Variants in SLC39A8 observed in about 807,000 individuals in gnomAD.
The protein encoded by SLC39A8 is metal cation symporter ZIP8.
Under a neutral mutation model 40.4 loss-of-function variants are expected in SLC39A8, and 15 were observed. That is an observed-to-expected ratio of 0.37 (90% CI 0.25 to 0.57). SLC39A8 has a LOEUF of 0.57. Ranked by LOEUF, SLC39A8 falls within the 20% of genes least tolerant of loss-of-function variation. The pLI, the probability that SLC39A8 is intolerant of heterozygous loss-of-function variation, is 0.75. For synonymous variants in SLC39A8, 223 were observed against 221.6 expected, an observed-to-expected ratio of 1.01 and a Z score of -0.06; for missense variants, 472 against 558.8, an observed-to-expected ratio of 0.84 and a Z score of 1.57.
rs1357363862 is a variant in SLC39A8, at chr4:102,274,825, AC to A, written c.841-6747del. On this transcript the variant is annotated intron_variant, in intron 6 of 8. Transcript: ENST00000356736. ...ACATTCTTAAATAAAAGAATTTTCA[AC>A]CCAGAATTTCATATTCAGCCAAACT... is the stretch of plus-strand genomic sequence containing the variant. 4.6e-5 allele frequency among the ~76,000 whole-genome samples: 7 copies of A among 152,334 alleles called. No homozygotes were observed. The East Asian group carries it at 1.2e-3, about 25-fold the overall frequency.
intron 6 of SLC39A8, among the ~76,000 whole-genome samples, chr4:102,278,619 C>A (rs554024068): frequency 1.3e-5 from 2 of 152,042 alleles, no homozygotes; most frequent in East Asian, 1.9e-4. Flanking sequence ...TGCCATTTGA[C>A]CCAGCAATCC....
downstream of SLC39A8, among the ~76,000 whole-genome samples, chr4:102,260,564 G>C (rs972911436): frequency 6.6e-6 from 1 of 152,204 alleles, no homozygotes; most frequent in African/African-American, 2.4e-5. Flanking sequence ...GAAGGTGGGA[G>C]TCACAAGTTA....
rs1283485363 is a variant in SLC39A8, at chr4:102,320,297, AAT to A, written c.220-4469_220-4468del. Among the ~76,000 whole-genome samples, 77 of 116,876 alleles carry A rather than the reference AAT, an allele frequency of 6.6e-4. 1 individual carries two copies. The highest frequency in any genetic ancestry group is 5.7e-3 in the Middle Eastern group (1 of 176). 76.7% of individuals were successfully genotyped at this position (116,876 alleles called of 152,430 possible). On this transcript the variant is annotated intron_variant, in intron 2 of 8. Coordinates refer to ENST00000356736, the MANE Select transcript of SLC39A8 (RefSeq NM_001135146.2). ...TATTATATATGAGTATATATATGAG[AAT>A]ATATATATGAGTATATATATATGAG... is the stretch of plus-strand genomic sequence containing the variant.
intron 6 of SLC39A8, among the ~76,000 whole-genome samples, chr4:102,295,984 G>A (rs756281829): frequency 6.6e-5 from 10 of 152,088 alleles, no homozygotes; most frequent in Non-Finnish European, 1.3e-4. Context: ...AGAATCGGTG[G>A]TGCAAAGCCT....
intron 6 of SLC39A8, among the ~76,000 whole-genome samples, chr4:102,268,433 T>C (rs572749356): frequency 6.4e-4 from 97 of 152,356 alleles, no homozygotes; most frequent in Non-Finnish European, 1.3e-3. Flanking sequence ...AAGGAAGTTA[T>C]TCAAAGACTA....
At chr4:102,283,944 C>T (rs1733030261) in intron 6 of SLC39A8, among the ~76,000 whole-genome samples, 1 of 152,154 alleles carries the variant, frequency 6.6e-6, no homozygotes, top group Non-Finnish European at 1.5e-5. Flanking sequence ...TAATATTATT[C>T]TCTCGGATAT....
chr4:102,313,886 C>G (rs926588818), intron 3 of SLC39A8, among the ~76,000 whole-genome samples: 9 of 152,014 alleles, frequency 5.9e-5, no homozygotes, highest in African/African-American at 2.2e-4. Context: ...CCGTGCCTAG[C>G]CCCAGTGTCT....
At chr4:102,257,494 C>A (rs563752593), downstream of SLC39A8, among the ~76,000 whole-genome samples, 1 of 152,272 alleles carries the variant, frequency 6.6e-6, no homozygotes, top group South Asian at 2.1e-4. Flanking sequence ...AAACAGGCAG[C>A]CCAAGGATAC....
chr4:102,343,519 G>A (rs1736029077), intron 2 of SLC39A8, among the ~76,000 whole-genome samples: 1 of 152,152 alleles, frequency 6.6e-6, no homozygotes, highest in East Asian at 1.9e-4. Context: ...GCTGTCAGTG[G>A]GACAGGAGTA....
At chr4:102,261,618 G>T (rs924184732), downstream of SLC39A8, 3 of 776,180 alleles carry the variant, frequency 3.9e-6, no homozygotes, top group African/African-American at 1.9e-5. Context: ...CCAGATACAT[G>T]GTAGTCACTC....
chr4:102,326,013 G>A (rs1196872569), intron 2 of SLC39A8, among the ~76,000 whole-genome samples: 1 of 152,208 alleles, frequency 6.6e-6, no homozygotes, highest in Non-Finnish European at 1.5e-5. Context: ...TCCTAAAAGT[G>A]TGGTGTGGTG....
At position 102,344,611 on chromosome 4, in the gene SLC39A8, G is replaced by A; in HGVS notation, c.52C>T (p.Leu18Phe). The A allele has an allele frequency of 6.5e-7, 1 of 1,540,340 alleles. No individual in the cohort carries two copies. The highest frequency in any genetic ancestry group is 8.7e-7 in the Non-Finnish European group (1 of 1,143,490). ...CCTGGCCCCTCCGCCACTCCTCCGA[G>A]GCCGGCGGCCGCCAGCAACAGGAGC... Reference protein sequence around the residue: ...AGLLLLAAAGLGGVAEGPGLA... With the variant: ...AGLLLLAAAGFGGVAEGPGLA... Residue 18 changes from leucine (L) to phenylalanine (F), a missense_variant, in exon 2 of 9, where the codon CTC becomes TTC. Physicochemically the swap from Leu to Phe is conservative, Grantham distance 22 (BLOSUM62 0). Coordinates refer to ENST00000356736, the MANE Select transcript of SLC39A8 (RefSeq NM_001135146.2).
intron 6 of SLC39A8, among the ~76,000 whole-genome samples, chr4:102,287,750 G>C (rs1733246974): frequency 6.6e-6 from 1 of 152,036 alleles, no homozygotes; most frequent in Admixed American, 6.6e-5. Context: ...ATTTAAAGTA[G>C]CCATTTTAAT....
intron 2 of SLC39A8, among the ~76,000 whole-genome samples, chr4:102,327,366 T>C (rs368230762): frequency 6.6e-6 from 1 of 152,310 alleles, no homozygotes; most frequent in East Asian, 1.9e-4. Flanking sequence ...TGTAAAAGGA[T>C]AGATGAATAC....
Position 102,267,592 on chromosome 4 carries a change from A to G in SLC39A8, c.1131T>C (p.Tyr377=), listed in dbSNP as rs995326664. The G allele has an allele frequency of 3.7e-6, 6 of 1,614,042 alleles. No homozygotes were observed. In the African/African-American group the frequency reaches 8.0e-5, roughly 22 times the overall value. Residue 377 remains tyrosine, a synonymous_variant, in exon 8 of 9, where the codon TAT becomes TAC. Coordinates refer to ENST00000356736, the MANE Select transcript of SLC39A8 (RefSeq NM_001135146.2). ...LFNFLSACSC[Y]VGLAFGILVG... Reference sequence around the variant, plus strand: ...CCAAAATGCCAAAAGCTAGCCCAACATAGCAGGAACATGCAGAAAGGAAGT... The same window carrying G: ...CCAAAATGCCAAAAGCTAGCCCAACGTAGCAGGAACATGCAGAAAGGAAGT...
At chr4:102,255,371 A>C (rs2148998255) in intron 11 of SLC39A8, among the ~76,000 whole-genome samples, 1 of 152,318 alleles carries the variant, frequency 6.6e-6, no homozygotes, top group Non-Finnish European at 1.5e-5. Context: ...GAAAAGTACT[A>C]AGGATGTCAG....
chr4:102,333,980 A>C (rs1735570799), intron 2 of SLC39A8, among the ~76,000 whole-genome samples: 1 of 152,232 alleles, frequency 6.6e-6, no homozygotes, highest in Non-Finnish European at 1.5e-5. Flanking sequence ...AATCAACACC[A>C]ACAAAATTAT....
intron 2 of SLC39A8, among the ~76,000 whole-genome samples, chr4:102,319,610 A>G (rs1037229883): frequency 1.3e-5 from 2 of 151,778 alleles, no homozygotes; most frequent in African/African-American, 4.8e-5. Context: ...GTAATTTTCC[A>G]TTCACTGACC....
intron 6 of SLC39A8, among the ~76,000 whole-genome samples, chr4:102,285,104 T>G (rs978259508): frequency 6.6e-6 from 1 of 152,162 alleles, no homozygotes; most frequent in Admixed American, 6.6e-5. Context: ...TAAAATAAAG[T>G]CTGTTCTTTT....
Sources: gnomAD v4.1 joint callset for allele counts (sites outside exome capture counted in the v4.1 genomes callset) on GRCh38, gnomAD v4.1.1 for gene constraint, MANE v1.5 for transcripts, NCBI Gene and HGNC (gene_info 2026-07-23, HGNC 2026-07-21) for gene names.